The following NFIA variants were observed in gnomAD, a reference collection of about 807,000 sequenced individuals.
NFIA encodes nuclear factor 1 A-type.
NFIA carries 8 observed loss-of-function variants against 62.8 expected under a neutral mutation model. That is an observed-to-expected ratio of 0.13 (90% CI 0.07 to 0.23). The LOEUF (loss-of-function observed/expected upper bound fraction) is 0.23, where lower values mean the gene tolerates loss of function less well. Among genes scored for constraint, NFIA ranks in the 10% least tolerant of loss-of-function variants. The pLI is 1.00. For synonymous variants in NFIA, 235 were observed against 238.1 expected (o/e 0.99, Z 0.12); for missense variants, 410 against 642.1 (o/e 0.64, Z 3.91).
intron 2 of NFIA, among the ~76,000 whole-genome samples, chr1:61,276,176 C>G (rs996034388): frequency 1.3e-5 from 2 of 152,106 alleles, no homozygotes; most frequent in African/African-American, 4.8e-5. Flanking sequence ...TTAAGATTAT[C>G]TGAAAATTTT....
chr1:61,211,575 A>G (rs1342037727), intron 2 of NFIA, among the ~76,000 whole-genome samples: 2 of 152,220 alleles, frequency 1.3e-5, no homozygotes, highest in Non-Finnish European at 2.9e-5. Context: ...GAGAACTTAA[A>G]TAACTTCTCA....
At chr1:61,339,088 A>G (rs962788422) in intron 4 of NFIA, among the ~76,000 whole-genome samples, 12 of 152,202 alleles carry the variant, frequency 7.9e-5, no homozygotes, top group Non-Finnish European at 7.3e-5. Context: ...AGTCTACTCA[A>G]ACTATGTGCT....
At chr1:61,178,706 G>A (rs1451553920) in intron 2 of NFIA, among the ~76,000 whole-genome samples, 1 of 152,214 alleles carries the variant, frequency 6.6e-6, no homozygotes, top group Admixed American at 6.5e-5. Context: ...AATAGCATGA[G>A]CTTACAGTTT....
At chr1:61,144,788 C>T (rs898318058) in intron 2 of NFIA, among the ~76,000 whole-genome samples, 15 of 152,176 alleles carry the variant, frequency 9.9e-5, no homozygotes, top group African/African-American at 3.6e-4. Flanking sequence ...GAGAACAAGT[C>T]TTTGAAAGAA....
intron 2 of NFIA, among the ~76,000 whole-genome samples, chr1:61,189,441 C>G (rs984128760): frequency 6.6e-6 from 1 of 152,066 alleles, no homozygotes; most frequent in Non-Finnish European, 1.5e-5. Flanking sequence ...CCGAGGTGGG[C>G]TGATCATGAG....
At chr1:61,255,483 T>G (rs1656324555) in intron 2 of NFIA, among the ~76,000 whole-genome samples, 1 of 152,180 alleles carries the variant, frequency 6.6e-6, no homozygotes, top group African/African-American at 2.4e-5. Context: ...GGGGCATAAG[T>G]CCGAATTTAG....
chr1:61,407,353 T>C (rs2100527012), intron 9 of NFIA, among the ~76,000 whole-genome samples: 1 of 152,310 alleles, frequency 6.6e-6, no homozygotes, highest in East Asian at 1.9e-4. Flanking sequence ...AAGTCTTGGC[T>C]CTTCTCTGAA....
chr1:61,131,598 CTAGCTTTTAATATTT>C, intron 2 of NFIA, among the ~76,000 whole-genome samples: 2 of 151,688 alleles, frequency 1.3e-5, no homozygotes, highest in African/African-American at 4.8e-5. Flanking sequence ...TCTGGAGCCT[CTAGCTTTTAATATTT>C]TATCACTAAA....
chr1:61,230,014 A>G (rs1250319528), intron 2 of NFIA, among the ~76,000 whole-genome samples: 1 of 152,200 alleles, frequency 6.6e-6, no homozygotes, highest in Non-Finnish European at 1.5e-5. Context: ...GTCATATTAT[A>G]TGACTTAGAA....
At chr1:61,266,455 C>G (rs894093368) in intron 2 of NFIA, among the ~76,000 whole-genome samples, 2 of 152,134 alleles carry the variant, frequency 1.3e-5, no homozygotes, top group Admixed American at 6.5e-5. Flanking sequence ...TCTCAGCTCA[C>G]TGCAACCTCT....
At chr1:61,298,385 C>A (rs1239453341) in intron 3 of NFIA, among the ~76,000 whole-genome samples, 1 of 152,032 alleles carries the variant, frequency 6.6e-6, no homozygotes, top group East Asian at 1.9e-4. Context: ...TTACCCAGTT[C>A]TTGGTGGTAT....
intron 7 of NFIA, among the ~76,000 whole-genome samples, chr1:61,387,469 T>TGTTTTG (rs372534811): frequency 1.3e-5 from 1 of 75,644 alleles, no homozygotes; most frequent in African/African-American, 5.6e-5. Context: ...AAGCACTTTC[T>TGTTTTG]TTTTTTTTTT....
Position 61,116,186 on chromosome 1 carries a change from A to C in NFIA, c.559+27506A>C, listed in dbSNP as rs889435434. ...GACCCTAAAATAACCTTGGAGAAGG[A>C]GAGTTCTCAGTTATCAGTAGAATTG... On this transcript the variant is annotated intron_variant, in intron 2 of 10. Coordinates refer to ENST00000403491, the MANE Select transcript of NFIA (RefSeq NM_001134673.4). 3.9e-5 allele frequency among the ~76,000 whole-genome samples: 6 copies of C among 152,202 alleles called. 1 individual carries two copies. Among genetic ancestry groups the C allele is most frequent in the Admixed American group, 3.9e-4 (6 of 15,284 alleles).
chr1:61,176,156 C>T lies in NFIA; in HGVS notation c.559+87476C>T, dbSNP rs151208189. Among the ~76,000 whole-genome samples the T allele has an allele frequency of 1.2e-4, 19 of 152,276 alleles. No individual in the cohort carries two copies. The East Asian group carries it at 1.5e-3, about 12-fold the overall frequency. On this transcript the variant is annotated intron_variant, in intron 2 of 10. Transcript: ENST00000403491. ...CAGGCCGAAGAGCAAGGCAGGAGTC[C>T]GCTTAGGAAAGCCTGCAGCTAACTG...
rs115484949 is a variant in NFIA, at chr1:61,254,158, G to A, written c.560-23362G>A. Among the ~76,000 whole-genome samples, 631 of 152,270 alleles carry A rather than the reference G, an allele frequency of 4.1e-3. 3 individuals are homozygous for A. Among genetic ancestry groups the A allele is most frequent in the African/African-American group, 0.014 (593 of 41,546 alleles). ...ACTGAAAATGAGATTGCAATTCCCAGAGTACTGGGATAGTTCATTCAGAGG... is the reference window on the plus strand; with the variant it reads ...ACTGAAAATGAGATTGCAATTCCCAAAGTACTGGGATAGTTCATTCAGAGG... On this transcript the variant is annotated intron_variant, in intron 2 of 10. Transcript: ENST00000403491.
intron 3 of NFIA, among the ~76,000 whole-genome samples, chr1:61,297,748 G>A (rs1659264504): frequency 6.6e-6 from 1 of 152,126 alleles, no homozygotes; most frequent in African/African-American, 2.4e-5. Flanking sequence ...GGGTAAATAT[G>A]CTAAGTGCTC....
chr1:61,399,691 T>C (rs1665455093), intron 7 of NFIA, among the ~76,000 whole-genome samples: 1 of 152,186 alleles, frequency 6.6e-6, no homozygotes, highest in Non-Finnish European at 1.5e-5. Context: ...CTAAGACTTA[T>C]AAAAGCAGAA....
intron 2 of NFIA, among the ~76,000 whole-genome samples, chr1:61,135,678 A>T (rs1647170363): frequency 6.6e-6 from 1 of 152,162 alleles, no homozygotes; most frequent in Non-Finnish European, 1.5e-5. Context: ...AAGTGCTGGG[A>T]TTTGAATTTT....
intron 2 of NFIA, among the ~76,000 whole-genome samples, chr1:61,184,477 G>A (rs1003362578): frequency 6.6e-6 from 1 of 152,250 alleles, no homozygotes; most frequent in Non-Finnish European, 1.5e-5. Context: ...AGTTATTTTA[G>A]TAGGTAAAAA....
Sources: gnomAD v4.1 joint callset for allele counts (sites outside exome capture counted in the v4.1 genomes callset) on GRCh38, gnomAD v4.1.1 for gene constraint, MANE v1.5 for transcripts, NCBI Gene and HGNC (gene_info 2026-07-23, HGNC 2026-07-21) for gene names.